The following FAM200B variants were observed in gnomAD, a reference collection of about 807,000 sequenced individuals.
FAM200B encodes zinc finger BED-type containing 11.
Under a neutral mutation model 33.1 loss-of-function variants are expected in FAM200B, and 32 were observed. That is an observed-to-expected ratio of 0.97 (90% confidence interval 0.73 to 1.30). FAM200B has a LOEUF of 1.30. FAM200B is among the 50% of genes most tolerant of loss of function. FAM200B has a pLI of 0.00. For synonymous variants in FAM200B, 240 were observed against 264.8 expected (o/e 0.91, Z 0.91); for missense variants, 741 against 754.0 (o/e 0.98, Z 0.20).
chr4:15,683,341 A>T (rs1185182607), intron 1 of FAM200B, among the ~76,000 whole-genome samples: 1 of 152,160 alleles, frequency 6.6e-6, no homozygotes, highest in African/African-American at 2.4e-5. Context: ...CACCACATCT[A>T]CCAGACCTGT....
At chr4:15,647,775 A>C in the FAM200B span, among the ~76,000 whole-genome samples, 32 of 152,348 alleles carry the variant, frequency 2.1e-4, no homozygotes, top group African/African-American at 7.7e-4. Flanking sequence ...CCATTCTACC[A>C]GCAAGTCATT....
upstream of FAM200B, among the ~76,000 whole-genome samples, chr4:15,677,184 G>A (rs547657600): frequency 6.6e-6 from 1 of 152,168 alleles, no homozygotes; most frequent in South Asian, 2.1e-4. Flanking sequence ...GAACACAAGA[G>A]GCTTAAAAGA....
chr4:15,686,967 T>A lies in FAM200B; in HGVS notation c.-11T>A. ...AACATTTTAATCAAACTGGAACAAATTGCTATTAAAATGGATCATTTCTTT... is the reference window on the plus strand; with the variant it reads ...AACATTTTAATCAAACTGGAACAAAATGCTATTAAAATGGATCATTTCTTT... On this transcript the variant is annotated 5_prime_UTR_variant, in exon 2 of 2. In the 5' UTR this introduces an upstream ATG that the reference lacks. Coordinates refer to ENST00000422728, the MANE Select transcript of FAM200B (RefSeq NM_001145191.2). 1 of 1,292,200 alleles carries A rather than the reference T, an allele frequency of 7.7e-7. No individual in the cohort carries two copies. Among genetic ancestry groups the A allele is most frequent in the South Asian group, 1.8e-5 (1 of 55,288 alleles). 80.0% of individuals were successfully genotyped at this position (1,292,200 alleles called of 1,614,324 possible).
Position 15,687,377 on chromosome 4 carries a change from C to G in FAM200B, c.400C>G (p.Gln134Glu), listed in dbSNP as rs1333447268. The change falls in exon 2 of 2, where the codon CAA becomes GAA. Residue 134 changes from glutamine to glutamate, a missense_variant. Gln to Glu is a conservative substitution (Grantham distance 29). Transcript: ENST00000422728. Reference sequence around the variant, plus strand: ...GAAAAAAGACATAAAGTTATCAACACAATTTCTTAGTTGTTCTACTGCTGT... The same window carrying G: ...GAAAAAAGACATAAAGTTATCAACAGAATTTCTTAGTTGTTCTACTGCTGT... ...RKKKDIKLST[Q>E]FLSCSTAVSE... 23 of 1,546,918 alleles carry G rather than the reference C, an allele frequency of 1.5e-5. No individual in the cohort carries two copies. Among genetic ancestry groups the G allele is most frequent in the Non-Finnish European group, 1.9e-5 (22 of 1,144,228 alleles).
At chr4:15,647,241 AAAG>A in the FAM200B span, among the ~76,000 whole-genome samples, 2 of 133,520 alleles carry the variant, frequency 1.5e-5, no homozygotes, top group African/African-American at 5.7e-5. Flanking sequence ...AAAAAAAAAA[AAAG>A]AAAGAAAATG....
chr4:15,655,146 A>C, the FAM200B span: 4 of 1,298,638 alleles, frequency 3.1e-6, no homozygotes, highest in South Asian at 3.3e-5. Flanking sequence ...CCAAGAACCC[A>C]GCCCGCTCCC....
the FAM200B span, among the ~76,000 whole-genome samples, chr4:15,641,036 C>A: frequency 1.3e-5 from 2 of 151,860 alleles, no homozygotes; most frequent in East Asian, 3.9e-4. Context: ...TAAAAGATAC[C>A]CATAAAACAG....
chr4:15,641,621 T>C, the FAM200B span: 25 of 455,644 alleles, frequency 5.5e-5, no homozygotes, highest in South Asian at 2.2e-4. Context: ...CAGTCAACAG[T>C]AGTAGGCTGT....
At chr4:15,666,993 TTATC>T in the FAM200B span, among the ~76,000 whole-genome samples, 220 of 152,294 alleles carry the variant, frequency 1.4e-3, 3 homozygotes, top group African/African-American at 5.2e-3. Context: ...CAATTATAAA[TTATC>T]AATCAAAATA....
chr4:15,677,774 T>TA (rs1245512449), upstream of FAM200B, among the ~76,000 whole-genome samples: 1 of 152,214 alleles, frequency 6.6e-6, no homozygotes, highest in Non-Finnish European at 1.5e-5. Context: ...AGTGCTTTCC[T>TA]AAGTTCTGTG....
intron 1 of FAM200B, among the ~76,000 whole-genome samples, chr4:15,685,849 T>C (rs186823775): frequency 6.6e-6 from 1 of 152,288 alleles, no homozygotes; most frequent in East Asian, 1.9e-4. Context: ...GTCATAAGAC[T>C]GAAATATACT....
At position 15,688,357 on chromosome 4, in the gene FAM200B, C is replaced by T. The variant is rs1719085829; in HGVS notation, c.1380C>T (p.Ile460=). 1 of 1,549,514 alleles carries T rather than the reference C, an allele frequency of 6.5e-7. No homozygotes were observed. Among genetic ancestry groups the T allele is most frequent in the South Asian group, 1.2e-5 (1 of 83,998 alleles). ...NSDVFQHVER[I]QGFRKTLLLW... is the part of the protein sequence containing the mutation. ...ATGTATTCCAACATGTTGAACGTAT[C>T]CAGGGATTTCGAAAGACATTATTGT... Residue 460 remains isoleucine (I), a synonymous_variant, in exon 2 of 2, where the codon ATC becomes ATT. Transcript: ENST00000422728.
At chr4:15,672,312 A>G in the FAM200B span, among the ~76,000 whole-genome samples, 1 of 152,210 alleles carries the variant, frequency 6.6e-6, no homozygotes, top group East Asian at 1.9e-4. Context: ...TCTGAGCACG[A>G]CACAATTACA....
chr4:15,679,760 T>TC (rs1329834067), upstream of FAM200B, among the ~76,000 whole-genome samples: 2 of 147,620 alleles, frequency 1.4e-5, no homozygotes, highest in African/African-American at 4.9e-5. Context: ...TTCTTTCCAA[T>TC]CCCCCTAAAA....
chr4:15,685,220 T>C (rs545073618), intron 1 of FAM200B, among the ~76,000 whole-genome samples: 134 of 152,242 alleles, frequency 8.8e-4, no homozygotes, highest in African/African-American at 2.9e-3. Flanking sequence ...ATGATTGTCA[T>C]GAAAGAAGAA....
the FAM200B span, chr4:15,638,499 G>T: frequency 6.4e-7 from 1 of 1,560,400 alleles, no homozygotes; most frequent in Non-Finnish European, 8.6e-7. Flanking sequence ...TTATATATAT[G>T]AATCTCACCT....
Position 15,688,533 on chromosome 4 carries a change from T to G in FAM200B, c.1556T>G (p.Phe519Cys), listed in dbSNP as rs1156562830. 6.5e-7 allele frequency: 1 copy of G among 1,549,092 alleles called. No homozygotes were observed. The highest frequency in any genetic ancestry group is 8.7e-7 in the Non-Finnish European group (1 of 1,145,126). Residue 519 changes from phenylalanine to cysteine, a missense_variant, in exon 2 of 2, where the codon TTT becomes TGT. Physicochemically the swap from Phe to Cys is radical, Grantham distance 205 (BLOSUM62 -2). Transcript: ENST00000422728. ...CATCTCACTTCTCTGTCTCAAACTTTTAACCATTTCTTTCCAGAAGAAAAA... is the reference window on the plus strand; with the variant it reads ...CATCTCACTTCTCTGTCTCAAACTTGTAACCATTTCTTTCCAGAAGAAAAA... ...LLHLTSLSQT[F>C]NHFFPEEKFE...
At chr4:15,660,098 A>G in the FAM200B span, among the ~76,000 whole-genome samples, 1 of 148,846 alleles carries the variant, frequency 6.7e-6, no homozygotes, top group African/African-American at 2.5e-5. Flanking sequence ...TTTTTTTTTT[A>G]AAGAGGGTTT....
At chr4:15,662,042 C>G in the FAM200B span, among the ~76,000 whole-genome samples, 1 of 152,198 alleles carries the variant, frequency 6.6e-6, no homozygotes, top group Non-Finnish European at 1.5e-5. Context: ...TGATTTCAAA[C>G]CCAAAATAAG....
Sources: allele counts gnomAD v4.1 joint callset (sites outside exome capture counted in the v4.1 genomes callset), GRCh38; gene constraint gnomAD v4.1.1; transcripts MANE v1.5; gene names NCBI Gene and HGNC (gene_info 2026-07-23, HGNC 2026-07-21).